CFAP58: variants seen among roughly 807,000 people sequenced by gnomAD.
CFAP58 encodes cilia- and flagella-associated protein 58.
In CFAP58, 88 loss-of-function variants were observed where a neutral mutation model predicts 119.5. The ratio of observed to expected loss-of-function variants is 0.74; its 90% CI spans 0.62 to 0.88. The LOEUF (loss-of-function observed/expected upper bound fraction) is 0.88, where lower values mean the gene tolerates loss of function less well. Among genes scored for constraint, CFAP58 ranks in the 40% least tolerant of loss-of-function variants. The probability of loss-of-function intolerance (pLI) is 0.00; values close to 1 mark genes in which losing one functional copy is unlikely to be tolerated. For synonymous variants in CFAP58, 365 were observed against 366.3 expected, an observed-to-expected ratio of 1.00 and a Z score of 0.04; for missense variants, 990 against 1,021.2, an observed-to-expected ratio of 0.97 and a Z score of 0.42.
chr10:104,371,175 A>C, intron 7 of CFAP58, 121 bp downstream of exon 7: 1 of 913,292 alleles, frequency 1.1e-6, no homozygotes, highest in Non-Finnish European at 1.6e-6. Context: ...GTAAAACAAC[A>C]CTCACACTGG....
At chr10:104,363,874 G>A (rs2014704793) in intron 3 of CFAP58, among the ~76,000 whole-genome samples, 1 of 152,232 alleles carries the variant, frequency 6.6e-6, no homozygotes, top group African/African-American at 2.4e-5. Context: ...TCAGCTCCAA[G>A]AGCTGCCTTG....
At chr10:104,411,614 G>A (rs2012462194) in intron 15 of CFAP58, among the ~76,000 whole-genome samples, 1 of 152,044 alleles carries the variant, frequency 6.6e-6, no homozygotes, top group African/African-American at 2.4e-5. Context: ...TCTGCCAGGT[G>A]CCTTAGAAGG....
intron 15 of CFAP58, among the ~76,000 whole-genome samples, chr10:104,440,811 C>A (rs1399306531): frequency 6.6e-6 from 1 of 152,148 alleles, no homozygotes; most frequent in South Asian, 2.1e-4. Context: ...TACTTCTTCT[C>A]CCACCAAGAT....
chr10:104,433,293 G>A (rs1348387373), intron 15 of CFAP58, among the ~76,000 whole-genome samples: 1 of 152,136 alleles, frequency 6.6e-6, no homozygotes, highest in African/African-American at 2.4e-5. Flanking sequence ...TTGCTATGTT[G>A]TCCAGGCTGG....
chr10:104,371,168 A>T, intron 7 of CFAP58, 114 bp downstream of exon 7: 1 of 1,016,310 alleles, frequency 9.8e-7, no homozygotes, highest in Non-Finnish European at 1.4e-6. Flanking sequence ...GAAATCAGTA[A>T]AACAACACTC....
intron 14 of CFAP58, among the ~76,000 whole-genome samples, chr10:104,404,055 T>C (rs1305241107): frequency 6.6e-6 from 1 of 152,244 alleles, no homozygotes; most frequent in African/African-American, 2.4e-5. Flanking sequence ...AAATTCTTTC[T>C]ACCTAAAGAA....
the CFAP58 span, among the ~76,000 whole-genome samples, chr10:104,346,523 A>G: frequency 6.7e-6 from 1 of 149,954 alleles, no homozygotes; most frequent in Non-Finnish European, 1.5e-5. Flanking sequence ...CATTAAAAAA[A>G]TTTTTTTTTG....
chr10:104,419,256 G>A (rs187635931), intron 15 of CFAP58, among the ~76,000 whole-genome samples: 25 of 152,112 alleles, frequency 1.6e-4, no homozygotes, highest in Admixed American at 4.6e-4. Context: ...GGCACCATAT[G>A]CTTCTACCTA....
chr10:104,357,850 CATATATACACAT>C (rs1427052211), intron 1 of CFAP58, among the ~76,000 whole-genome samples: 2 of 45,654 alleles, frequency 4.4e-5, no homozygotes, highest in African/African-American at 9.2e-5. Context: ...CATATGTACA[CATATATACACAT>C]ATATACACAT....
At chr10:104,347,942 C>A in the CFAP58 span, among the ~76,000 whole-genome samples, 1 of 152,096 alleles carries the variant, frequency 6.6e-6, no homozygotes, top group African/African-American at 2.4e-5. Context: ...CTCCATACAG[C>A]CTGCCTTTCT....
At chr10:104,451,399 A>G (rs1422729487) in intron 17 of CFAP58, among the ~76,000 whole-genome samples, 1 of 152,204 alleles carries the variant, frequency 6.6e-6, no homozygotes, top group Non-Finnish European at 1.5e-5. Flanking sequence ...AGATAAGTCC[A>G]TCTTAATGTG....
chr10:104,350,018 A>G (rs1304697502), upstream of CFAP58, among the ~76,000 whole-genome samples: 1 of 152,244 alleles, frequency 6.6e-6, no homozygotes, highest in Non-Finnish European at 1.5e-5. Flanking sequence ...CAGATTACAC[A>G]GGACCTTATT....
intron 9 of CFAP58, among the ~76,000 whole-genome samples, chr10:104,381,278 A>G (rs952229212): frequency 1.3e-5 from 2 of 152,206 alleles, no homozygotes; most frequent in African/African-American, 4.8e-5. Context: ...GCTCGAGGAT[A>G]TATGTCTCCA....
chr10:104,358,762 T>C, intron 2 of CFAP58, 140 bp downstream of exon 2: 1 of 671,950 alleles, frequency 1.5e-6, no homozygotes, highest in Non-Finnish European at 2.3e-6. Flanking sequence ...TAAGGAATAA[T>C]GTTCATTTTC....
chr10:104,382,186 T>C (rs2011825162), intron 9 of CFAP58: 1 of 717,352 alleles, frequency 1.4e-6, no homozygotes, highest in African/African-American at 1.7e-5. Context: ...CAGTGGACCC[T>C]CAGGGAGCTT....
chr10:104,376,517 A>G lies in CFAP58; in HGVS notation c.1091-294A>G, dbSNP rs112332284. 1.6e-3 allele frequency among the ~76,000 whole-genome samples: 246 copies of G among 151,114 alleles called. 1 individual carries two copies. In the Middle Eastern group the frequency reaches 0.02, roughly 13 times the overall value. ...AACTCCGTCTCAAAAAAAAAAAAAA[A>G]AAAAGAAAAAAAAGCAAGGACATTT... is the stretch of plus-strand genomic sequence containing the variant. On this transcript the variant is annotated intron_variant, in intron 7 of 17. Transcript: ENST00000369704.
intron 1 of CFAP58, among the ~76,000 whole-genome samples, chr10:104,356,302 C>T (rs77072384): frequency 0.012 from 1,775 of 152,234 alleles, 47 homozygotes; most frequent in African/African-American, 0.041. Context: ...ACCAAGAATA[C>T]GTAGACTTTT....
intron 15 of CFAP58, among the ~76,000 whole-genome samples, chr10:104,428,181 T>C (rs2012782235): frequency 6.6e-6 from 1 of 152,114 alleles, no homozygotes; most frequent in South Asian, 2.1e-4. Flanking sequence ...AGGAGTGAAC[T>C]TCCAGGAGGG....
chr10:104,431,168 GTTC>G (rs1280316817), intron 15 of CFAP58, among the ~76,000 whole-genome samples: 2 of 152,240 alleles, frequency 1.3e-5, no homozygotes, highest in South Asian at 4.1e-4. Flanking sequence ...TCATTCATTC[GTTC>G]TTCTTTTCAT....
Sources: allele counts gnomAD v4.1 joint callset (sites outside exome capture counted in the v4.1 genomes callset), GRCh38; gene constraint gnomAD v4.1.1; transcripts MANE v1.5; gene names NCBI Gene and HGNC (gene_info 2026-07-23, HGNC 2026-07-21).